KCNQ5: variants seen among roughly 807,000 people sequenced by gnomAD.
KCNQ5 encodes the protein potassium voltage-gated channel subfamily KQT member 5.
In KCNQ5, 30 loss-of-function variants were observed where a neutral mutation model predicts 98.2. That is an observed-to-expected ratio of 0.31 (90% CI 0.23 to 0.41). KCNQ5 has a LOEUF of 0.41. Among genes scored for constraint, KCNQ5 ranks in the 10% least tolerant of loss-of-function variants. The probability of loss-of-function intolerance (pLI) is 1.00; values close to 1 mark genes in which losing one functional copy is unlikely to be tolerated. For synonymous variants in KCNQ5, 458 were observed against 449.4 expected (o/e 1.02, Z -0.24); for missense variants, 835 against 1,182.5 (o/e 0.71, Z 4.31).
At chr6:72,910,055 C>A (rs555472101) in intron 1 of KCNQ5, among the ~76,000 whole-genome samples, 1 of 152,154 alleles carries the variant, frequency 6.6e-6, no homozygotes, top group Non-Finnish European at 1.5e-5. Context: ...ATATATGCAT[C>A]CCTTTATCAA....
At chr6:73,085,493 G>A (rs1320873550) in intron 5 of KCNQ5, among the ~76,000 whole-genome samples, 6 of 152,182 alleles carry the variant, frequency 3.9e-5, no homozygotes, top group African/African-American at 1.4e-4. Context: ...AATCAGAGGG[G>A]AGAAAGTTAT....
At chr6:72,906,835 T>C (rs768393015) in intron 1 of KCNQ5, among the ~76,000 whole-genome samples, 6 of 152,152 alleles carry the variant, frequency 3.9e-5, no homozygotes, top group Non-Finnish European at 5.9e-5. Context: ...CTGCAGTTGT[T>C]CTGGGGCAAA....
At position 72,856,689 on chromosome 6, in the gene KCNQ5, G is replaced by C. The variant is rs370065905; in HGVS notation, c.399-147219G>C. ...AATCTGAATATATGGTACTGAATAC[G>C]GCTAATAATTCTTTAAAAAATTATC... On this transcript the variant is annotated intron_variant, in intron 1 of 13. Coordinates refer to ENST00000370398, the MANE Select transcript of KCNQ5 (RefSeq NM_019842.4). 1.3e-5 allele frequency among the ~76,000 whole-genome samples: 2 copies of C among 152,032 alleles called. 1 individual carries two copies. The highest frequency in any genetic ancestry group is 4.2e-4 in the South Asian group (2 of 4,814).
chr6:72,739,893 T>TA (rs1392977153), intron 1 of KCNQ5, among the ~76,000 whole-genome samples: 15 of 152,352 alleles, frequency 9.8e-5, no homozygotes, highest in Admixed American at 8.5e-4. Flanking sequence ...GGCTATTATA[T>TA]TAATTATCTA....
intron 1 of KCNQ5, among the ~76,000 whole-genome samples, chr6:72,850,545 G>A (rs1235564255): frequency 1.3e-5 from 2 of 152,134 alleles, no homozygotes; most frequent in African/African-American, 2.4e-5. Context: ...ATCTCCTGTG[G>A]GAATAATAAT....
At chr6:72,967,936 C>T (rs1419128643) in intron 1 of KCNQ5, among the ~76,000 whole-genome samples, 2 of 152,110 alleles carry the variant, frequency 1.3e-5, no homozygotes, top group South Asian at 2.1e-4. Flanking sequence ...TTTTAGGATA[C>T]CATGTTCTTT....
At chr6:73,188,408 G>C (rs1429994484) in intron 11 of KCNQ5, among the ~76,000 whole-genome samples, 3 of 152,094 alleles carry the variant, frequency 2.0e-5, no homozygotes, top group Non-Finnish European at 4.4e-5. Flanking sequence ...AACCACCTTG[G>C]GATATATGAA....
intron 1 of KCNQ5, among the ~76,000 whole-genome samples, chr6:72,838,965 A>AAAAAAAAG (rs1776657653): frequency 1.3e-5 from 2 of 150,416 alleles, no homozygotes; most frequent in African/African-American, 4.9e-5. Flanking sequence ...AAAAAAAAAA[A>AAAAAAAAG]AAAAAAAGAA....
chr6:73,021,680 T>A (rs1486221160), intron 2 of KCNQ5, among the ~76,000 whole-genome samples: 1 of 152,226 alleles, frequency 6.6e-6, no homozygotes, highest in African/African-American at 2.4e-5. Context: ...TCTCCTGTAC[T>A]AATAGCAAGC....
chr6:73,185,638 G>T (rs1005826137), intron 11 of KCNQ5, among the ~76,000 whole-genome samples: 1 of 152,180 alleles, frequency 6.6e-6, no homozygotes, highest in East Asian at 1.9e-4. Flanking sequence ...TTCCAAGGAC[G>T]AAGTGGAAGG....
At chr6:72,986,882 G>GA (rs915427217) in intron 1 of KCNQ5, 1 of 882,244 alleles carries the variant, frequency 1.1e-6, no homozygotes, top group African/African-American at 1.7e-5. Flanking sequence ...CGAGGCTGGG[G>GA]ATGCTGCGGA....
chr6:72,968,498 A>G (rs565056838), intron 1 of KCNQ5, among the ~76,000 whole-genome samples: 1 of 152,194 alleles, frequency 6.6e-6, no homozygotes, highest in Admixed American at 6.5e-5. Context: ...TTCAGATTAT[A>G]TCTCCCAAAT....
chr6:73,025,125 T>A (rs1436183432), intron 2 of KCNQ5, among the ~76,000 whole-genome samples: 1 of 152,220 alleles, frequency 6.6e-6, no homozygotes, highest in African/African-American at 2.4e-5. Flanking sequence ...CAGCTTTGGC[T>A]TACATGCCAG....
At chr6:73,170,033 G>A (rs1562218063) in intron 11 of KCNQ5, among the ~76,000 whole-genome samples, 179 bp downstream of exon 11, 1 of 152,118 alleles carries the variant, frequency 6.6e-6, no homozygotes, top group African/African-American at 2.4e-5. Context: ...ATTCTGCTGT[G>A]TTCAACACAA....
chr6:72,712,917 T>C (rs1366838700), intron 1 of KCNQ5, among the ~76,000 whole-genome samples: 1 of 152,210 alleles, frequency 6.6e-6, no homozygotes, highest in Non-Finnish European at 1.5e-5. Context: ...ATTAGTTACT[T>C]AGTTTTGGTC....
At chr6:72,737,519 T>C (rs1770911046) in intron 1 of KCNQ5, among the ~76,000 whole-genome samples, 1 of 152,206 alleles carries the variant, frequency 6.6e-6, no homozygotes, top group Admixed American at 6.5e-5. Context: ...TAGAAGCATT[T>C]CCTGAGAGTG....
At position 72,632,974 on chromosome 6, in the gene KCNQ5, A is replaced by G. The variant is rs183542537; in HGVS notation, c.398+10387A>G. On this transcript the variant is annotated intron_variant, in intron 1 of 13. Coordinates refer to ENST00000370398, the MANE Select transcript of KCNQ5 (RefSeq NM_019842.4). ...TAATGGGATTGCTGGGTGAAATGGT[A>G]GTTCTGTTTTAATTTATTTGAGAAA... is the stretch of plus-strand genomic sequence containing the variant. 4.6e-5 allele frequency among the ~76,000 whole-genome samples: 7 copies of G among 152,302 alleles called. No homozygotes were observed. The East Asian group carries it at 1.3e-3, about 29-fold the overall frequency.
intron 1 of KCNQ5, among the ~76,000 whole-genome samples, chr6:72,658,207 G>A (rs1766294421): frequency 6.6e-6 from 1 of 152,142 alleles, no homozygotes. Context: ...CTACAAATTA[G>A]ATATTTATGT....
chr6:73,157,961 T>G, intron 10 of KCNQ5: 1 of 766,176 alleles, frequency 1.3e-6, no homozygotes, highest in Non-Finnish European at 2.4e-6. Flanking sequence ...TGAGCTTGAG[T>G]AGGGACTCTT....
Sources: gnomAD v4.1 joint callset for allele counts (sites outside exome capture counted in the v4.1 genomes callset) on GRCh38, gnomAD v4.1.1 for gene constraint, MANE v1.5 for transcripts, NCBI Gene and HGNC (gene_info 2026-07-23, HGNC 2026-07-21) for gene names.